SKP1: variants seen among roughly 807,000 people sequenced by gnomAD.
SKP1 encodes the protein S-phase kinase associated protein 1, also known as S-phase kinase-associated protein 1.
A neutral mutation model predicts 21.5 loss-of-function variants in SKP1; 1 was observed. The observed-to-expected ratio is 0.05, with a 90% CI of 0.02 to 0.22. The LOEUF (loss-of-function observed/expected upper bound fraction) is 0.22. Among genes scored for constraint, SKP1 ranks in the 10% least tolerant of loss-of-function variants. SKP1 has a pLI of 1.00. For missense variants in SKP1, 70 were observed against 192.0 expected (o/e 0.36, Z 3.76); for synonymous variants, 59 against 59.3 (o/e 0.99, Z 0.03).
intron 1 of SKP1, among the ~76,000 whole-genome samples, 167 bp from the exon 2 acceptor site, chr5:134,174,189 T>C (rs181273170): frequency 6.6e-6 from 1 of 152,232 alleles, no homozygotes; most frequent in African/African-American, 2.4e-5. Context: ...CACAAGTTAG[T>C]CTCCGAGTAT....
chr5:134,158,158 G>T, intron 5 of SKP1: 1 of 1,379,614 alleles, frequency 7.2e-7, no homozygotes, highest in Non-Finnish European at 9.4e-7. Flanking sequence ...CTTTTCTGAT[G>T]TCAGATATGT....
At chr5:134,173,880 C>T (rs1339240303) in intron 2 of SKP1, 46 bp downstream of exon 2, 1 of 1,030,948 alleles carries the variant, frequency 9.7e-7, no homozygotes, top group Admixed American at 1.7e-5. Flanking sequence ...CACAAACTAT[C>T]TCAAATTACA....
chr5:134,151,143 T>C lies in SKP1; in HGVS notation c.*6590A>G, dbSNP rs3867428. 0.15 allele frequency: 22,952 copies of C among 152,312 alleles called. 2,714 individuals are homozygous for C. The highest frequency in any genetic ancestry group is 0.32 in the African/African-American group (13,433 of 41,440). 9.4% of individuals were successfully genotyped at this position (152,312 alleles called of 1,614,324 possible). A position where few individuals can be genotyped will look rare whatever the true frequency, so the allele number is the denominator to read the frequency against. On this transcript the variant is annotated 3_prime_UTR_variant, in exon 6 of 6. Transcript: ENST00000353411. ...TTATGCGGGAGATAGTCCAGGCCAA[T>C]ACTTCTTTCATATTCACCAGGGGCT...
intron 3 of SKP1, among the ~76,000 whole-genome samples, chr5:134,164,575 T>A (rs920239115): frequency 6.6e-6 from 1 of 152,144 alleles, no homozygotes; most frequent in African/African-American, 2.4e-5. Context: ...AGCTTTTGGA[T>A]GGCATTTGAA....
At chr5:134,176,658 A>C (rs978409101) in intron 1 of SKP1, 197 bp downstream of exon 1, 14 of 152,454 alleles carry the variant, frequency 9.2e-5, no homozygotes, top group African/African-American at 3.4e-4. Context: ...GGCCTCGCTG[A>C]GTCGGGGGCG....
chr5:134,161,103 C>A lies in SKP1; in HGVS notation c.199G>T (p.Asp67Tyr). The change falls in exon 4 of 6, where the codon GAT becomes TAT. Residue 67 changes from aspartate to tyrosine, a missense_variant. This residue lies in a region of SKP1 where 33 missense variants were observed against 64.9 expected (regional missense o/e 0.51). Coordinates refer to ENST00000353411, the MANE Select transcript of SKP1 (RefSeq NM_170679.3). ...KVIQWCTHHK[D>Y]DPPPPEDDEN... is the part of the protein sequence containing the mutation. ...TCATCTTCAGGAGGAGGAGGGTCAT[C>A]CTTGTGGTGGGTGCACCACTGAATG... 6.2e-7 allele frequency: 1 copy of A among 1,613,610 alleles called. No individual in the cohort carries two copies. Among genetic ancestry groups the A allele is most frequent in the East Asian group, 2.2e-5 (1 of 44,872 alleles).
Position 134,167,210 on chromosome 5 carries a change from G to A in SKP1, c.131C>T (p.Pro44Leu). 1.2e-6 allele frequency: 2 copies of A among 1,607,930 alleles called. No homozygotes were observed. Among genetic ancestry groups the A allele is most frequent in the Non-Finnish European group, 1.7e-6 (2 of 1,174,652 alleles). Residue 44 changes from proline (P) to leucine (L), a missense_variant, in exon 3 of 6, where the codon CCA becomes CTA. Physicochemically the swap from Pro to Leu is moderately conservative, Grantham distance 98 (BLOSUM62 -3). Coordinates refer to ENST00000353411, the MANE Select transcript of SKP1 (RefSeq NM_170679.3). ...LGMDDEGDDDPVPLPNVNAAI... is the reference protein window; with the variant it reads ...LGMDDEGDDDLVPLPNVNAAI... Reference sequence around the variant, plus strand: ...TGCATTCACATTTGGTAGAGGAACTGGGTCATCATCTCCTTCATCATCCAT... The same window carrying A: ...TGCATTCACATTTGGTAGAGGAACTAGGTCATCATCTCCTTCATCATCCAT...
intron 4 of SKP1, 137 bp from the exon 5 acceptor site, chr5:134,158,732 C>T: frequency 1.4e-6 from 1 of 733,236 alleles, no homozygotes; most frequent in Non-Finnish European, 2.3e-6. Context: ...ATAAATCACT[C>T]CTAAGTTCTT....
At position 134,157,118 on chromosome 5, in the gene SKP1, C is replaced by G. The variant is rs539489935; in HGVS notation, c.*615G>C. ...CAAAAAACCACAAACTGGGTAGTAA[C>G]TGAGTCTCTAGGCAATATATTTAAA... On this transcript the variant is annotated 3_prime_UTR_variant, in exon 6 of 6. Coordinates refer to ENST00000353411, the MANE Select transcript of SKP1 (RefSeq NM_170679.3). The G allele has an allele frequency of 1.3e-5, 2 of 152,688 alleles. No homozygotes were observed. Among genetic ancestry groups the G allele is most frequent in the South Asian group, 4.1e-4 (2 of 4,828 alleles). The allele number at this position is 152,688 out of a possible 1,614,324, so 9.5% of individuals were successfully genotyped here.
intron 3 of SKP1, among the ~76,000 whole-genome samples, chr5:134,164,407 TG>T (rs1761289553): frequency 2.0e-5 from 3 of 151,682 alleles, no homozygotes; most frequent in African/African-American, 7.3e-5. Flanking sequence ...AACAGCTAAC[TG>T]TTCACCTACT....
rs1337010560 is a variant in SKP1, at chr5:134,150,440, C to A, written c.*7293G>T. On this transcript the variant is annotated 3_prime_UTR_variant, in exon 6 of 6. Transcript: ENST00000353411. ...AAGAAAGGGAATCAGTTCCTGCATC[C>A]GTTTCTCAGAAAACAGCACAGAACA... is the stretch of plus-strand genomic sequence containing the variant. The A allele has an allele frequency of 1.3e-5, 2 of 152,146 alleles. No individual in the cohort carries two copies. 9.4% of individuals were successfully genotyped at this position (152,146 alleles called of 1,614,324 possible). A position where few individuals can be genotyped will look rare whatever the true frequency, so the allele number is the denominator to read the frequency against.
intron 3 of SKP1, 57 bp downstream of exon 3, chr5:134,167,113 T>C (rs767990780): frequency 1.8e-5 from 15 of 815,678 alleles, no homozygotes; most frequent in Non-Finnish European, 2.9e-5. Context: ...TTACTTGTAT[T>C]AATCAATTGG....
chr5:134,174,485 A>C, intron 1 of SKP1: 1 of 990,854 alleles, frequency 1.0e-6, no homozygotes, highest in Non-Finnish European at 1.2e-6. Flanking sequence ...TTCAGATCCA[A>C]AGAGTACATC....
chr5:134,164,555 C>T (rs554313405), intron 3 of SKP1, among the ~76,000 whole-genome samples: 10 of 152,216 alleles, frequency 6.6e-5, no homozygotes, highest in African/African-American at 2.4e-4. Context: ...TGGTTCACTG[C>T]TATACCCCCA....
At position 134,153,085 on chromosome 5, in the gene SKP1, T is replaced by C. The variant is rs1312212729; in HGVS notation, c.*4648A>G. On this transcript the variant is annotated 3_prime_UTR_variant, in exon 6 of 6. Coordinates refer to ENST00000353411, the MANE Select transcript of SKP1 (RefSeq NM_170679.3). ...ATAGACTGGTTTCAAATCCAGATAA[T>C]TGAAGATTAACTTTTCAAATCCTCA... 3.3e-5 allele frequency: 5 copies of C among 152,234 alleles called. No homozygotes were observed. Among genetic ancestry groups the C allele is most frequent in the African/African-American group, 2.4e-5 (1 of 41,456 alleles). The allele number at this position is 152,234 out of a possible 1,614,324, so 9.4% of individuals were successfully genotyped here.
At chr5:134,171,891 A>G (rs1244707801) in intron 2 of SKP1, among the ~76,000 whole-genome samples, 2 of 152,192 alleles carry the variant, frequency 1.3e-5, no homozygotes, top group Admixed American at 6.5e-5. Flanking sequence ...CTAAAAATAC[A>G]AAATTTGCCT....
At chr5:134,168,533 A>G (rs1365039930) in intron 2 of SKP1, among the ~76,000 whole-genome samples, 3 of 152,218 alleles carry the variant, frequency 2.0e-5, no homozygotes. Flanking sequence ...AGGATATATG[A>G]GGAACAGTTA....
At chr5:134,159,973 G>A (rs1008905186) in intron 4 of SKP1, among the ~76,000 whole-genome samples, 3 of 151,502 alleles carry the variant, frequency 2.0e-5, no homozygotes, top group Non-Finnish European at 2.9e-5. Context: ...GTGAGCCACC[G>A]CACCCAGCTG....
chr5:134,163,619 A>G (rs1761264741), intron 3 of SKP1, among the ~76,000 whole-genome samples: 1 of 151,952 alleles, frequency 6.6e-6, no homozygotes, highest in South Asian at 2.1e-4. Flanking sequence ...GTGAAACTCC[A>G]TCTCTACAAA....
Sources: gnomAD v4.1 joint callset for allele counts (sites outside exome capture counted in the v4.1 genomes callset) on GRCh38, gnomAD v4.1.1 for gene constraint, gnomAD v4.1.1 regional missense constraint, MANE v1.5 for transcripts, NCBI Gene and HGNC (gene_info 2026-07-23, HGNC 2026-07-21) for gene names.